OSBPL1A: variants seen among roughly 807,000 people sequenced by gnomAD.
OSBPL1A encodes oxysterol-binding protein-related protein 1.
In OSBPL1A, 80 loss-of-function variants were observed where a neutral mutation model predicts 137.1. The ratio of observed to expected loss-of-function variants is 0.58; its 90% CI spans 0.49 to 0.70. The LOEUF is 0.70. Ranked by LOEUF, OSBPL1A falls within the 30% of genes least tolerant of loss-of-function variation. The pLI, the probability that OSBPL1A is intolerant of heterozygous loss-of-function variation, is 0.00. For synonymous variants in OSBPL1A, 365 were observed against 389.7 expected (o/e 0.94, Z 0.75); for missense variants, 970 against 1,129.4 (o/e 0.86, Z 2.02).
At chr18:24,199,503 A>G (rs1490676288) in intron 17 of OSBPL1A, among the ~76,000 whole-genome samples, 1 of 151,896 alleles carries the variant, frequency 6.6e-6, no homozygotes, top group East Asian at 1.9e-4. Context: ...CTACCCCCAA[A>G]CAGTATGTAA....
intron 4 of OSBPL1A, among the ~76,000 whole-genome samples, chr18:24,344,238 C>A (rs548709705): frequency 2.9e-4 from 44 of 152,212 alleles, no homozygotes; most frequent in African/African-American, 9.6e-4. Context: ...TCACTTGAGG[C>A]CAGGGGTTTG....
intron 7 of OSBPL1A, among the ~76,000 whole-genome samples, chr18:24,327,097 T>C (rs2090994534): frequency 6.8e-6 from 1 of 147,496 alleles, no homozygotes; most frequent in African/African-American, 2.5e-5. Context: ...GCTCTTATGG[T>C]TTTTTTCTTT....
intron 14 of OSBPL1A, among the ~76,000 whole-genome samples, chr18:24,294,521 A>G (rs1356991654): frequency 6.6e-6 from 1 of 152,148 alleles, no homozygotes; most frequent in Non-Finnish European, 1.5e-5. Context: ...GGCGTGAGCC[A>G]CTGTGCCCGG....
chr18:24,231,124 T>C (rs1391310446), intron 16 of OSBPL1A, among the ~76,000 whole-genome samples: 3 of 152,134 alleles, frequency 2.0e-5, no homozygotes. Context: ...GAAAAACATA[T>C]ATTTTACAAG....
rs567424321 is a variant in OSBPL1A at position 24,382,918 on chromosome 18, AT to A, written c.-2-5384del. 5.9e-5 allele frequency among the ~76,000 whole-genome samples: 9 copies of A among 152,208 alleles called. 1 individual carries two copies. In the South Asian group the frequency reaches 1.9e-3, roughly 32 times the overall value. ...AGAAAAAGAAAAAAATGTTTAAATAATTTATAAAACTATGAAATTGCAATAT... is the reference window on the plus strand; with the variant it reads ...AGAAAAAGAAAAAAATGTTTAAATAATTATAAAACTATGAAATTGCAATAT... On this transcript the variant is annotated intron_variant, in intron 1 of 27. Coordinates refer to ENST00000319481, the MANE Select transcript of OSBPL1A (RefSeq NM_080597.4).
intron 4 of OSBPL1A, among the ~76,000 whole-genome samples, chr18:24,361,662 AC>A (rs1355422521): frequency 1.3e-5 from 2 of 152,210 alleles, no homozygotes. Flanking sequence ...GACACAAAAA[AC>A]AAGACATGAT....
chr18:24,183,634 C>T (rs902312635), intron 18 of OSBPL1A, among the ~76,000 whole-genome samples: 2 of 151,954 alleles, frequency 1.3e-5, no homozygotes, highest in Non-Finnish European at 2.9e-5. Flanking sequence ...CGGGGTTTCA[C>T]CATGTTGGCC....
At position 24,314,259 on chromosome 18, in the gene OSBPL1A, T is replaced by G. The variant is rs910420232; in HGVS notation, c.959A>C (p.Gln320Pro). The change falls in exon 12 of 28, where the codon CAG (glutamine) becomes CCG (proline). Residue 320 changes from glutamine (Q) to proline (P), a missense_variant. Gln to Pro is a moderately conservative substitution (Grantham distance 76, BLOSUM62 -1). Around this residue, in one of 2 missense-constraint regions of OSBPL1A, gnomAD observed 647 missense variants for 672.6 expected, o/e 0.96. Coordinates refer to ENST00000319481, the MANE Select transcript of OSBPL1A (RefSeq NM_080597.4). ...AATCCATAAGATTACCTCTCTTGAC[T>G]GCTGAAGGCTATTCTTAGGAACCCG... ...GFRVPKNSLQQSREDWLEAIE... is the reference protein window; with the variant it reads ...GFRVPKNSLQPSREDWLEAIE... 36 of 1,597,870 alleles carry G rather than the reference T, an allele frequency of 2.3e-5. No individual in the cohort carries two copies. The highest frequency in any genetic ancestry group is 2.6e-5 in the Non-Finnish European group (30 of 1,171,884).
At chr18:24,212,816 C>T (rs1714610489) in intron 17 of OSBPL1A, among the ~76,000 whole-genome samples, 1 of 152,160 alleles carries the variant, frequency 6.6e-6, no homozygotes, top group Non-Finnish European at 1.5e-5. Context: ...GTTTAATATA[C>T]AGAAATCAAC....
intron 16 of OSBPL1A, among the ~76,000 whole-genome samples, chr18:24,233,641 TTC>T (rs904878076): frequency 6.6e-6 from 1 of 151,532 alleles, no homozygotes; most frequent in Non-Finnish European, 1.5e-5. Context: ...CTTTCTCTCT[TTC>T]TCTCTCTCTC....
chr18:24,219,018 C>T (rs1012106812), intron 17 of OSBPL1A, among the ~76,000 whole-genome samples: 3 of 151,894 alleles, frequency 2.0e-5, no homozygotes, highest in Non-Finnish European at 2.9e-5. Flanking sequence ...GGAGGCCGAG[C>T]GCAGTGGCTC....
At chr18:24,260,419 A>G (rs1769130840) in intron 15 of OSBPL1A, among the ~76,000 whole-genome samples, 1 of 152,244 alleles carries the variant, frequency 6.6e-6, no homozygotes, top group African/African-American at 2.4e-5. Context: ...AAATGCCCAT[A>G]AATGGATATA....
At chr18:24,180,708 T>A (rs1433001475) in intron 19 of OSBPL1A, among the ~76,000 whole-genome samples, 1 of 152,140 alleles carries the variant, frequency 6.6e-6, no homozygotes, top group Non-Finnish European at 1.5e-5. Flanking sequence ...AACCCGTCTC[T>A]ACTAAAAAAA....
chr18:24,207,375 C>T (rs529707272), intron 17 of OSBPL1A, among the ~76,000 whole-genome samples: 4 of 152,208 alleles, frequency 2.6e-5, no homozygotes, highest in Admixed American at 6.5e-5. Context: ...TAAGCCACTG[C>T]GCTCAGCCTC....
At chr18:24,257,936 C>T (rs941626654) in intron 15 of OSBPL1A, among the ~76,000 whole-genome samples, 3 of 152,042 alleles carry the variant, frequency 2.0e-5, no homozygotes, top group African/African-American at 7.3e-5. Flanking sequence ...TCATCTCATC[C>T]CAGTTAAAAT....
At chr18:24,266,887 G>A (rs1411555967) in intron 15 of OSBPL1A, among the ~76,000 whole-genome samples, 1 of 151,974 alleles carries the variant, frequency 6.6e-6, no homozygotes, top group East Asian at 1.9e-4. Context: ...TCAAAAGACA[G>A]AGGATAATAA....
At chr18:24,344,225 G>A (rs1221854656) in intron 4 of OSBPL1A, among the ~76,000 whole-genome samples, 5 of 152,178 alleles carry the variant, frequency 3.3e-5, no homozygotes, top group Non-Finnish European at 5.9e-5. Flanking sequence ...TGAGGCAGAC[G>A]GATCACTTGA....
At chr18:24,373,843 A>AT (rs1231907460) in intron 2 of OSBPL1A, among the ~76,000 whole-genome samples, 15 of 152,194 alleles carry the variant, frequency 9.9e-5, no homozygotes, top group African/African-American at 3.6e-4. Context: ...TAAGAACTGC[A>AT]TATCATCTGA....
intron 19 of OSBPL1A, 140 bp from the exon 20 acceptor site, chr18:24,179,975 T>C (rs1463415018): frequency 3.0e-6 from 2 of 660,628 alleles, no homozygotes; most frequent in Admixed American, 4.9e-5. Flanking sequence ...AATATGGCTC[T>C]AGCAGTGGGA....
Sources: allele counts gnomAD v4.1 joint callset (sites outside exome capture counted in the v4.1 genomes callset), GRCh38; gene constraint gnomAD v4.1.1; regional missense constraint gnomAD v4.1.1; transcripts MANE v1.5; gene names NCBI Gene and HGNC (gene_info 2026-07-23, HGNC 2026-07-21).